Variants in ATXN7L1 observed in about 807,000 individuals in gnomAD.
The protein encoded by ATXN7L1 is ataxin 7 like 1.
Under a neutral mutation model 70.8 loss-of-function variants are expected in ATXN7L1, and 15 were observed. That is an observed-to-expected ratio of 0.21 (90% confidence interval 0.14 to 0.33). ATXN7L1 has a LOEUF of 0.33. ATXN7L1 is among the 10% of genes least tolerant of loss of function. ATXN7L1 has a pLI of 1.00. For missense variants in ATXN7L1, 975 were observed against 1,097.1 expected (o/e 0.89, Z 1.57); for synonymous variants, 440 against 445.1 (o/e 0.99, Z 0.14).
chr7:105,809,220 A>G (rs1475977845), intron 2 of ATXN7L1, among the ~76,000 whole-genome samples: 1 of 152,264 alleles, frequency 6.6e-6, no homozygotes, highest in East Asian at 1.9e-4. Context: ...ACAAAGGGTT[A>G]GTGACTAATA....
intron 3 of ATXN7L1, among the ~76,000 whole-genome samples, chr7:105,749,213 T>C (rs73193809): frequency 6.7e-6 from 1 of 149,886 alleles, no homozygotes; most frequent in Non-Finnish European, 1.5e-5. Context: ...GGAAATTCCT[T>C]GCAGGATTAA....
intron 3 of ATXN7L1, among the ~76,000 whole-genome samples, chr7:105,737,386 C>T (rs1306110937): frequency 1.3e-5 from 2 of 152,232 alleles, no homozygotes; most frequent in African/African-American, 4.8e-5. Context: ...TTGTACTAAA[C>T]TCAGTTCATC....
chr7:105,820,415 C>T (rs1250042010), intron 2 of ATXN7L1, among the ~76,000 whole-genome samples: 2 of 152,064 alleles, frequency 1.3e-5, no homozygotes, highest in African/African-American at 4.8e-5. Flanking sequence ...ACATGCTGGG[C>T]AGTGGGGTGA....
At chr7:105,607,930 C>T in intron 11 of ATXN7L1, 40 bp from the exon 12 acceptor site, 1 of 1,523,756 alleles carries the variant, frequency 6.6e-7, no homozygotes, top group Non-Finnish European at 8.9e-7. Context: ...CAAAACCATA[C>T]AGTTGAGATT....
At chr7:105,855,584 A>AT (rs1395982680) in intron 2 of ATXN7L1, among the ~76,000 whole-genome samples, 1 of 152,190 alleles carries the variant, frequency 6.6e-6, no homozygotes, top group African/African-American at 2.4e-5. Context: ...ATGATTTATT[A>AT]TTTTTTTGAT....
intron 2 of ATXN7L1, among the ~76,000 whole-genome samples, chr7:105,798,412 C>T (rs1806309576): frequency 6.6e-6 from 1 of 152,318 alleles, no homozygotes; most frequent in Non-Finnish European, 1.5e-5. Context: ...TAGACTTCTC[C>T]CTCCCCTTCC....
intron 3 of ATXN7L1, among the ~76,000 whole-genome samples, chr7:105,668,278 G>C (rs1027534387): frequency 6.6e-6 from 1 of 152,162 alleles, no homozygotes; most frequent in African/African-American, 2.4e-5. Flanking sequence ...CTGTCACCCA[G>C]GCTAGATTGC....
chr7:105,796,390 G>T (rs1359813440), intron 2 of ATXN7L1, among the ~76,000 whole-genome samples: 1 of 152,044 alleles, frequency 6.6e-6, no homozygotes, highest in African/African-American at 2.4e-5. Context: ...AATTAATTAA[G>T]TCTCTGCTCA....
At chr7:105,800,578 G>GC (rs1357615259) in intron 2 of ATXN7L1, among the ~76,000 whole-genome samples, 1 of 152,200 alleles carries the variant, frequency 6.6e-6, no homozygotes, top group Admixed American at 6.5e-5. Context: ...AGTGAAGACT[G>GC]CCAGAAACGT....
chr7:105,794,901 C>T (rs1184512631), intron 2 of ATXN7L1, among the ~76,000 whole-genome samples: 1 of 152,224 alleles, frequency 6.6e-6, no homozygotes, highest in Admixed American at 6.5e-5. Context: ...AAATTTATCA[C>T]ACTCTTCTCA....
chr7:105,764,528 G>T (rs1364375728), intron 3 of ATXN7L1, among the ~76,000 whole-genome samples: 2 of 152,258 alleles, frequency 1.3e-5, no homozygotes, highest in Non-Finnish European at 2.9e-5. Flanking sequence ...TACAAGTTGC[G>T]TATCACTGAC....
chr7:105,862,579 C>A (rs1816802009), intron 2 of ATXN7L1, among the ~76,000 whole-genome samples: 2 of 152,144 alleles, frequency 1.3e-5, no homozygotes, highest in South Asian at 4.1e-4. Flanking sequence ...AAACCACCAG[C>A]TGGTAGACAA....
intron 3 of ATXN7L1, among the ~76,000 whole-genome samples, chr7:105,776,332 T>A (rs1347064673): frequency 6.6e-6 from 1 of 152,114 alleles, no homozygotes; most frequent in Non-Finnish European, 1.5e-5. Flanking sequence ...ACAGAGTTGG[T>A]CATTCTCTTT....
intron 2 of ATXN7L1, among the ~76,000 whole-genome samples, chr7:105,828,129 G>A (rs1316805727): frequency 6.6e-6 from 1 of 152,116 alleles, no homozygotes; most frequent in African/African-American, 2.4e-5. Flanking sequence ...CTTGCCCCAA[G>A]GGTCAGGGAT....
At chr7:105,653,384 G>A (rs985889731) in intron 4 of ATXN7L1, among the ~76,000 whole-genome samples, 2 of 152,152 alleles carry the variant, frequency 1.3e-5, no homozygotes, top group Admixed American at 6.5e-5. Context: ...GGGGATGGAG[G>A]CTACAGTGAG....
chr7:105,793,434 A>T (rs1197653696), intron 2 of ATXN7L1, among the ~76,000 whole-genome samples: 1 of 152,162 alleles, frequency 6.6e-6, no homozygotes, highest in Non-Finnish European at 1.5e-5. Flanking sequence ...TATTTTTAAA[A>T]GTTCACTAGT....
intron 2 of ATXN7L1, among the ~76,000 whole-genome samples, chr7:105,861,705 G>A (rs76965355): frequency 0.012 from 1,804 of 152,244 alleles, 17 homozygotes; most frequent in Non-Finnish European, 0.018. Flanking sequence ...GCCAGGGTCC[G>A]GAGCAAATGC....
At chr7:105,743,820 AC>A (rs1798276283) in intron 3 of ATXN7L1, among the ~76,000 whole-genome samples, 1 of 152,228 alleles carries the variant, frequency 6.6e-6, no homozygotes, top group South Asian at 2.1e-4. Flanking sequence ...CGCCTCAGTA[AC>A]AACAAAATTG....
chr7:105,728,207 T>C (rs969431911), intron 3 of ATXN7L1, among the ~76,000 whole-genome samples: 1 of 152,260 alleles, frequency 6.6e-6, no homozygotes, highest in South Asian at 2.1e-4. Context: ...CTGAAGAGGG[T>C]TGAGGGAAAA....
Sources: allele counts gnomAD v4.1 joint callset (sites outside exome capture counted in the v4.1 genomes callset), GRCh38; gene constraint gnomAD v4.1.1; transcripts MANE v1.5; gene names NCBI Gene and HGNC (gene_info 2026-07-23, HGNC 2026-07-21).